Variants in PPP2R2B observed in about 807,000 individuals in gnomAD.
PPP2R2B encodes the protein protein phosphatase 2 regulatory subunit Bbeta.
Under a neutral mutation model 46.0 loss-of-function variants are expected in PPP2R2B, and 5 were observed. That is an observed-to-expected ratio of 0.11 (90% confidence interval 0.06 to 0.23). The LOEUF is 0.23. PPP2R2B is among the 10% of genes least tolerant of loss of function. PPP2R2B has a pLI of 1.00. For missense variants in PPP2R2B, 367 were observed against 575.0 expected, an observed-to-expected ratio of 0.64 and a Z score of 3.70; for synonymous variants, 215 against 206.7, an observed-to-expected ratio of 1.04 and a Z score of -0.34.
At chr5:146,901,929 C>T (rs542831304) in intron 1 of PPP2R2B, among the ~76,000 whole-genome samples, 8 of 152,142 alleles carry the variant, frequency 5.3e-5, no homozygotes, top group African/African-American at 1.9e-4. Context: ...GAGAGGATGG[C>T]CAAAGATGAA....
upstream of PPP2R2B, chr5:147,056,049 T>C: frequency 8.6e-7 from 1 of 1,161,728 alleles, no homozygotes; most frequent in Non-Finnish European, 1.1e-6. Flanking sequence ...GTCCTGCCTG[T>C]AAACACACGC....
intron 8 of PPP2R2B, among the ~76,000 whole-genome samples, chr5:146,597,136 T>C (rs371183): frequency 0.7 from 106,844 of 152,076 alleles, 37,648 homozygotes; most frequent in Admixed American, 0.73. Context: ...CTTTCAGCCA[T>C]CAAAAGTTCT....
intron 2 of PPP2R2B, among the ~76,000 whole-genome samples, chr5:146,842,249 T>C (rs552466694): frequency 1.3e-5 from 2 of 152,176 alleles, no homozygotes; most frequent in East Asian, 3.9e-4. Context: ...CAAAATTATA[T>C]GGCCTGCTGT....
At chr5:146,664,453 G>T (rs1465198035) in intron 5 of PPP2R2B, among the ~76,000 whole-genome samples, 1 of 151,438 alleles carries the variant, frequency 6.6e-6, no homozygotes, top group African/African-American at 2.4e-5. Flanking sequence ...TTCCTCATCT[G>T]TTAAAATTTT....
intron 2 of PPP2R2B, among the ~76,000 whole-genome samples, chr5:146,718,080 A>G (rs915129500): frequency 3.3e-5 from 5 of 152,160 alleles, no homozygotes; most frequent in Non-Finnish European, 5.9e-5. Flanking sequence ...AGACTACATA[A>G]TTCACAAGAA....
At position 146,731,904 on chromosome 5, in the gene PPP2R2B, C is replaced by G. The variant is rs1752253881; in HGVS notation, c.71-30762G>C. On this transcript the variant is annotated intron_variant, in intron 2 of 9. Coordinates refer to ENST00000394411, the MANE Select transcript of PPP2R2B (RefSeq NM_181675.4). ...TCTCATCATGGGGTCATATTAATTT[C>G]TCTAACTATATTGTTAGCTATAGCC... Among the ~76,000 whole-genome samples, 4 of 152,284 alleles carry G rather than the reference C, an allele frequency of 2.6e-5. No individual in the cohort carries two copies. The South Asian group carries it at 8.3e-4, about 32-fold the overall frequency.
chr5:147,002,877 G>A (rs576063387), intron 1 of PPP2R2B, among the ~76,000 whole-genome samples: 2 of 152,112 alleles, frequency 1.3e-5, no homozygotes, highest in Admixed American at 6.6e-5. Flanking sequence ...TTGTCTTTCA[G>A]ATGGGAAACA....
rs1187593009 is a variant in PPP2R2B at position 146,698,318 on chromosome 5, ATATATAT to A, written c.169-181_169-175del. Among the ~76,000 whole-genome samples, 368 of 55,698 alleles carry A rather than the reference ATATATAT, an allele frequency of 6.6e-3. 8 individuals carry two copies. The highest frequency in any genetic ancestry group is 0.023 in the Admixed American group (68 of 2,982). 36.5% of individuals were successfully genotyped at this position (55,698 alleles called of 152,430 possible). On this transcript the variant is annotated intron_variant, in intron 3 of 9. Transcript: ENST00000394411. The stretch of plus-strand genomic sequence containing the variant: ...CCTCTGAAAAAAAAAAAAAAAAAAA[ATATATAT>A]ATATATATATATATATATATATATA...
At chr5:146,961,664 AACCC>A (rs1317774781) in intron 1 of PPP2R2B, among the ~76,000 whole-genome samples, 2 of 152,154 alleles carry the variant, frequency 1.3e-5, no homozygotes, top group Admixed American at 6.5e-5. Context: ...TAAGAGTATT[AACCC>A]ATTGAAAACC....
intron 2 of PPP2R2B, among the ~76,000 whole-genome samples, chr5:146,770,698 G>T (rs1278898046): frequency 6.6e-6 from 1 of 152,136 alleles, no homozygotes; most frequent in African/African-American, 2.4e-5. Context: ...ATGTGGGTTG[G>T]GAGGTATCAT....
chr5:146,648,530 G>A (rs1775730448), intron 6 of PPP2R2B, among the ~76,000 whole-genome samples: 1 of 152,102 alleles, frequency 6.6e-6, no homozygotes, highest in African/African-American at 2.4e-5. Flanking sequence ...TTTTCTGTAT[G>A]TCAGAGTGTT....
rs1420475045 is a variant in PPP2R2B, at chr5:146,589,697, C to G, written c.*250G>C. On this transcript the variant is annotated 3_prime_UTR_variant, in exon 10 of 10. Coordinates refer to ENST00000394411, the MANE Select transcript of PPP2R2B (RefSeq NM_181675.4). ...CAATAAAAGCATCAGAAGTTCAAGT[C>G]AACTATGGAAGAATTACTGTTAGCT... 8.7e-6 allele frequency: 4 copies of G among 460,788 alleles called. No individual in the cohort carries two copies. The highest frequency in any genetic ancestry group is 1.5e-5 in the Non-Finnish European group (4 of 260,206). 28.5% of individuals were successfully genotyped at this position (460,788 alleles called of 1,614,324 possible). A position where few individuals can be genotyped will look rare whatever the true frequency, so the allele number is the denominator to read the frequency against.
intron 7 of PPP2R2B, among the ~76,000 whole-genome samples, chr5:146,619,251 G>A (rs1773473316): frequency 6.6e-6 from 1 of 150,908 alleles, no homozygotes; most frequent in South Asian, 2.1e-4. Context: ...TTCCACCTGA[G>A]GTCAGCAGTT....
intron 2 of PPP2R2B, among the ~76,000 whole-genome samples, chr5:147,073,821 A>C (rs985231951): frequency 2.0e-5 from 3 of 152,100 alleles, no homozygotes; most frequent in African/African-American, 7.2e-5. Flanking sequence ...GCAGATCACA[A>C]GGTCAAGAGT....
intron 2 of PPP2R2B, chr5:146,707,405 G>A: frequency 1.3e-6 from 1 of 780,596 alleles, no homozygotes; most frequent in Non-Finnish European, 2.4e-6. Context: ...AGCAGGCTCT[G>A]GTTGACTGGG....
At chr5:146,625,691 T>C (rs1238306538) in intron 7 of PPP2R2B, among the ~76,000 whole-genome samples, 2 of 152,202 alleles carry the variant, frequency 1.3e-5, no homozygotes, top group Non-Finnish European at 2.9e-5. Context: ...GGCAGAATGA[T>C]GGCTCCCCAA....
intron 1 of PPP2R2B, among the ~76,000 whole-genome samples, chr5:146,889,860 T>C (rs183655816): frequency 6.6e-6 from 1 of 152,202 alleles, no homozygotes; most frequent in Non-Finnish European, 1.5e-5. Flanking sequence ...ATGCTAATCA[T>C]ACATCTGGCA....
At position 146,887,064 on chromosome 5, in the gene PPP2R2B, GA is replaced by G. The variant is rs533100850; in HGVS notation, c.79+168600del. On this transcript the variant is annotated intron_variant, in intron 1 of 8. Transcript: ENST00000336640. Reference sequence around the variant, plus strand: ...TCTAATTTCCACATTAAAAAGTGAGGAAAAAAAGATGAAATTCATTTTAATA... The same window carrying G: ...TCTAATTTCCACATTAAAAAGTGAGGAAAAAAGATGAAATTCATTTTAATA... Among the ~76,000 whole-genome samples the G allele has an allele frequency of 3.8e-3, 576 of 151,622 alleles. 1 individual carries two copies. Among genetic ancestry groups the G allele is most frequent in the African/African-American group, 0.013 (546 of 41,392 alleles).
At chr5:147,010,828 A>G (rs886435836) in intron 1 of PPP2R2B, among the ~76,000 whole-genome samples, 19 of 152,052 alleles carry the variant, frequency 1.2e-4, no homozygotes, top group African/African-American at 4.6e-4. Flanking sequence ...GTTGGTTCAC[A>G]CATCTGGCCA....
Sources: gnomAD v4.1 joint callset for allele counts (sites outside exome capture counted in the v4.1 genomes callset) on GRCh38, gnomAD v4.1.1 for gene constraint, MANE v1.5 for transcripts, NCBI Gene and HGNC (gene_info 2026-07-23, HGNC 2026-07-21) for gene names.